The following WWC2 variants were observed in gnomAD, a reference collection of about 807,000 sequenced individuals.
WWC2 encodes the protein protein WWC2.
In WWC2, 101 loss-of-function variants were observed where a neutral mutation model predicts 138.5. That is an observed-to-expected ratio of 0.73 (90% CI 0.62 to 0.86). The LOEUF (loss-of-function observed/expected upper bound fraction) is 0.86, where lower values mean the gene tolerates loss of function less well. Among genes scored for constraint, WWC2 ranks in the 40% least tolerant of loss-of-function variants. WWC2 has a pLI of 0.00. For missense variants in WWC2, 1,420 were observed against 1,419.4 expected, an observed-to-expected ratio of 1.00 and a Z score of -0.01; for synonymous variants, 558 against 538.4, an observed-to-expected ratio of 1.04 and a Z score of -0.50.
At chr4:183,170,977 T>C (rs1226949037) in intron 1 of WWC2, among the ~76,000 whole-genome samples, 1 of 152,224 alleles carries the variant, frequency 6.6e-6, no homozygotes, top group African/African-American at 2.4e-5. Flanking sequence ...TTCAAATCAA[T>C]TTGGTTTTCC....
At chr4:183,282,236 C>T (rs1738099337) in intron 17 of WWC2, among the ~76,000 whole-genome samples, 2 of 152,168 alleles carry the variant, frequency 1.3e-5, no homozygotes, top group South Asian at 2.1e-4. Flanking sequence ...TCTGCTAGTT[C>T]AGAAGAAAAA....
At chr4:183,235,336 T>G (rs1736388102) in intron 4 of WWC2, among the ~76,000 whole-genome samples, 1 of 152,234 alleles carries the variant, frequency 6.6e-6, no homozygotes, top group South Asian at 2.1e-4. Context: ...AGATTTTTTT[T>G]GAATTTCCAT....
At chr4:183,298,443 C>T (rs1016927207) in intron 21 of WWC2, among the ~76,000 whole-genome samples, 5 of 151,990 alleles carry the variant, frequency 3.3e-5, no homozygotes, top group African/African-American at 1.2e-4. Context: ...GTTTAGGGTC[C>T]AAGTGAAAAG....
rs1344410265 is a variant in WWC2, at chr4:183,248,814, C to A, written c.833C>A (p.Ser278Tyr). 1 of 1,602,704 alleles carries A rather than the reference C, an allele frequency of 6.2e-7. No individual in the cohort carries two copies. Among genetic ancestry groups the A allele is most frequent in the Non-Finnish European group, 8.5e-7 (1 of 1,173,942 alleles). Reference sequence around the variant, plus strand: ...CCTGTGAACTCTCATTTATGTCTCTCCAGACAGACCCTTGATGCTGGGTCA... The same window carrying A: ...CCTGTGAACTCTCATTTATGTCTCTACAGACAGACCCTTGATGCTGGGTCA... Reference protein sequence around the residue: ...CSPVNSHLCLSRQTLDAGSQT... With the variant: ...CSPVNSHLCLYRQTLDAGSQT... Residue 278 changes from serine (S) to tyrosine (Y), a missense_variant, in exon 7 of 23, where the codon TCC (serine) becomes TAC (tyrosine). Ser to Tyr is a moderately radical substitution (Grantham distance 144, BLOSUM62 -2). Coordinates refer to ENST00000403733, the MANE Select transcript of WWC2 (RefSeq NM_024949.6).
intron 1 of WWC2, among the ~76,000 whole-genome samples, chr4:183,188,218 G>C (rs1393240264): frequency 6.6e-6 from 1 of 152,030 alleles, no homozygotes; most frequent in African/African-American, 2.4e-5. Context: ...AGGAAGAGAT[G>C]ATTCTCCCCA....
chr4:183,283,061 A>G (rs1338567045), intron 18 of WWC2, among the ~76,000 whole-genome samples, 155 bp downstream of exon 18: 1 of 152,224 alleles, frequency 6.6e-6, no homozygotes, highest in Non-Finnish European at 1.5e-5. Context: ...GGCTCTAAGA[A>G]GCATCATAAA....
intron 1 of WWC2, among the ~76,000 whole-genome samples, chr4:183,117,215 CTTTTTTTTTTTTTTTT>C (rs923478529): frequency 1.0e-5 from 1 of 95,670 alleles, no homozygotes; most frequent in Non-Finnish European, 2.0e-5. Context: ...CATTCTTCTT[CTTTTTTTTTTTTTTTT>C]TTTTTTTTTG....
At chr4:183,157,214 T>C (rs746333544) in intron 1 of WWC2, among the ~76,000 whole-genome samples, 1 of 152,228 alleles carries the variant, frequency 6.6e-6, no homozygotes, top group Non-Finnish European at 1.5e-5. Flanking sequence ...AAATTTGACA[T>C]TTTTGAAGAA....
intron 1 of WWC2, among the ~76,000 whole-genome samples, chr4:183,181,374 C>T (rs1734629723): frequency 6.6e-6 from 1 of 152,016 alleles, no homozygotes; most frequent in Admixed American, 6.6e-5. Context: ...GAAGTGCTCC[C>T]AAGAAGTGGA....
At chr4:183,200,473 AC>A (rs1735265979) in intron 2 of WWC2, among the ~76,000 whole-genome samples, 1 of 152,048 alleles carries the variant, frequency 6.6e-6, no homozygotes. Flanking sequence ...TTGTTCCAAA[AC>A]TTAGTGGTTT....
In WWC2 at chr4:183,175,675, C is replaced by G. The variant is rs533289202; in HGVS notation, c.132-17924C>G. ...GGACTAGAACAGTTTCTCAAAGCAT[C>G]GTTTTTTGTACTTGATTTTTTGCTT... On this transcript the variant is annotated intron_variant, in intron 1 of 22. Coordinates refer to ENST00000403733, the MANE Select transcript of WWC2 (RefSeq NM_024949.6). Among the ~76,000 whole-genome samples, 14 of 152,272 alleles carry G rather than the reference C, an allele frequency of 9.2e-5. No homozygotes were observed. In the South Asian group the frequency reaches 2.5e-3, roughly 27 times the overall value.
rs1560884317 is a variant in WWC2 at position 183,280,903 on chromosome 4, A to C, written c.2684+6A>C. On this transcript the variant is annotated splice_donor_region_variant and intron_variant, in intron 17 of 22. Coordinates refer to ENST00000403733, the MANE Select transcript of WWC2 (RefSeq NM_024949.6). ...AGGGGCCCAGATGGAGACTGGTTAA[A>C]CACTTATTTCCTTTGCTGTTGGGAG... 12 of 1,555,210 alleles carry C rather than the reference A, an allele frequency of 7.7e-6. No individual in the cohort carries two copies. Among genetic ancestry groups the C allele is most frequent in the Non-Finnish European group, 1.0e-5 (12 of 1,149,362 alleles).
intron 1 of WWC2, among the ~76,000 whole-genome samples, chr4:183,117,997 G>A (rs188151569): frequency 0.022 from 3,369 of 150,750 alleles, 59 homozygotes; most frequent in Non-Finnish European, 0.038. Flanking sequence ...ACGGGGTTTC[G>A]CCATGTTGGC....
intron 1 of WWC2, among the ~76,000 whole-genome samples, chr4:183,174,395 T>C (rs1188047153): frequency 6.6e-6 from 1 of 152,224 alleles, no homozygotes; most frequent in Non-Finnish European, 1.5e-5. Flanking sequence ...TGGATCTGCT[T>C]CTGGGCTTTC....
At chr4:183,286,321 C>T (rs989658980) in intron 20 of WWC2, among the ~76,000 whole-genome samples, 1 of 152,044 alleles carries the variant, frequency 6.6e-6, no homozygotes. Flanking sequence ...GGAGAAGGGG[C>T]CTTCTGAGCC....
chr4:183,134,694 T>C (rs933684088), intron 1 of WWC2, among the ~76,000 whole-genome samples: 1 of 152,166 alleles, frequency 6.6e-6, no homozygotes, highest in Non-Finnish European at 1.5e-5. Context: ...TTGCTTTATA[T>C]GATAATTTGT....
At position 183,099,369 on chromosome 4, in the gene WWC2, C is replaced by CGCCCCTCA. The variant is rs1185640428; in HGVS notation, c.-115_-108dup. 23 of 1,028,358 alleles carry CGCCCCTCA rather than the reference C, an allele frequency of 2.2e-5. No individual in the cohort carries two copies. The highest frequency in any genetic ancestry group is 5.1e-5 in the African/African-American group (3 of 58,610). The allele number at this position is 1,028,358 out of a possible 1,614,324, so 63.7% of individuals were successfully genotyped here. A position where few individuals can be genotyped will look rare whatever the true frequency, so the allele number is the denominator to read the frequency against. ...TGGTTCCGCCGCGCCCCGCGCCCTG[C>CGCCCCTCA]GCCCCTCAGCCCCTCGCCGGCGCCC... is the stretch of plus-strand genomic sequence containing the variant. On this transcript the variant is annotated 5_prime_UTR_variant, in exon 1 of 23. Transcript: ENST00000403733.
intron 1 of WWC2, among the ~76,000 whole-genome samples, chr4:183,175,247 CTTAT>C (rs1309690068): frequency 7.2e-5 from 11 of 152,020 alleles, no homozygotes; most frequent in East Asian, 1.9e-4. Flanking sequence ...TTCAAAATTT[CTTAT>C]TTATTTATTT....
rs1735519795 is a variant in WWC2 at position 183,208,980 on chromosome 4, T to C, written c.477T>C (p.Tyr159=). 1.9e-6 allele frequency: 3 copies of C among 1,570,922 alleles called. No homozygotes were observed. The highest frequency in any genetic ancestry group is 1.4e-5 in the African/African-American group (1 of 73,884). Reference sequence around the variant, plus strand: ...CAGGATCTTCATCCAGTACTAAATATGATCCCGATATTTTAAAAGCTGAGA... The same window carrying C: ...CAGGATCTTCATCCAGTACTAAATACGATCCCGATATTTTAAAAGCTGAGA... ...LFSGSSSSTK[Y]DPDILKAEIS... is the part of the protein sequence containing the mutation. Residue 159 remains tyrosine (Y), a synonymous_variant, in exon 4 of 23, where the codon TAT becomes TAC. Transcript: ENST00000403733.
Sources: allele counts gnomAD v4.1 joint callset (sites outside exome capture counted in the v4.1 genomes callset), GRCh38; gene constraint gnomAD v4.1.1; transcripts MANE v1.5; gene names NCBI Gene and HGNC (gene_info 2026-07-23, HGNC 2026-07-21).